SH2D3C: variants seen among roughly 807,000 people sequenced by gnomAD.
SH2D3C encodes the protein SH2 domain-containing protein 3C.
Under a neutral mutation model 75.2 loss-of-function variants are expected in SH2D3C, and 25 were observed. The observed-to-expected ratio is 0.33, with a 90% CI of 0.24 to 0.46. The LOEUF (loss-of-function observed/expected upper bound fraction) is 0.46. Ranked by LOEUF, SH2D3C falls within the 20% of genes least tolerant of loss-of-function variation. The pLI is 1.00. For missense variants in SH2D3C, 933 were observed against 1,165.3 expected (o/e 0.80, Z 2.90); for synonymous variants, 450 against 473.7 (o/e 0.95, Z 0.65).
At chr9:127,762,319 G>A in intron 2 of SH2D3C, 1 of 1,298,270 alleles carries the variant, frequency 7.7e-7, no homozygotes, top group Non-Finnish European at 1.0e-6. Context: ...CCACCGCATG[G>A]CCTTAAATGC....
At position 127,739,770 on chromosome 9, in the gene SH2D3C, C is replaced by G; in HGVS notation, c.2319G>C (p.Val773=). Reference sequence around the variant, plus strand: ...CCTCCAGGTGAGCCAGCACCACCTCCACGCCGTGCTCCGTGCTGCCCCAGG... The same window carrying G: ...CCTCCAGGTGAGCCAGCACCACCTCGACGCCGTGCTCCGTGCTGCCCCAGG... ...PEPWGSTEHG[V]EVVLAHLEAA... is the part of the protein sequence containing the mutation. The change falls in exon 11 of 12, where the codon GTG becomes GTC. Residue 773 remains valine (V), a synonymous_variant. Coordinates refer to ENST00000314830, the MANE Select transcript of SH2D3C (RefSeq NM_170600.3). The surrounding 1 kb of genome is among the most constrained non-coding windows in gnomAD (Gnocchi z 4.3). 6.2e-7 allele frequency: 1 copy of G among 1,606,198 alleles called. No individual in the cohort carries two copies. The highest frequency in any genetic ancestry group is 8.5e-7 in the Non-Finnish European group (1 of 1,177,402).
chr9:127,772,801 G>T (rs558344369), intron 2 of SH2D3C, among the ~76,000 whole-genome samples: 9 of 151,550 alleles, frequency 5.9e-5, no homozygotes, highest in Admixed American at 1.3e-4. Context: ...CTGAGTCTCA[G>T]TTTCCCAATC....
rs769117714 is a variant in SH2D3C, at chr9:127,740,376, A to G, written c.2089-7T>C. The G allele has an allele frequency of 6.2e-7, 1 of 1,612,334 alleles. No individual in the cohort carries two copies. The highest frequency in any genetic ancestry group is 2.2e-5 in the East Asian group (1 of 44,868). Reference sequence around the variant, plus strand: ...TCTGCTCCAGCCGAGAAATCTGGGGAGGCCAAACTGTGAGAGACCAGCCAG... The same window carrying G: ...TCTGCTCCAGCCGAGAAATCTGGGGGGGCCAAACTGTGAGAGACCAGCCAG... On this transcript the variant is annotated splice_region_variant and splice_polypyrimidine_tract_variant and intron_variant, in intron 9 of 11. Transcript: ENST00000314830.
At chr9:127,746,576 G>A (rs1208101581) in intron 6 of SH2D3C, among the ~76,000 whole-genome samples, 4 of 152,236 alleles carry the variant, frequency 2.6e-5, no homozygotes, top group South Asian at 2.1e-4. Context: ...GCTGAGGCGG[G>A]TGGATCACCT....
rs1180032416 is a variant in SH2D3C, at chr9:127,739,299, C to G, written c.2408-378G>C. Among the ~76,000 whole-genome samples the G allele has an allele frequency of 6.6e-6, 1 of 152,010 alleles. No homozygotes were observed. Among genetic ancestry groups the G allele is most frequent in the African/African-American group, 2.4e-5 (1 of 41,388 alleles). ...CCAAGGCGGGTGGATCACCTGAGGT[C>G]AGGAGTTCAAGACCAGCGGCCCAAC... On this transcript the variant is annotated intron_variant, in intron 11 of 11. Coordinates refer to ENST00000314830, the MANE Select transcript of SH2D3C (RefSeq NM_170600.3). The surrounding 1 kb of genome is among the most constrained non-coding windows in gnomAD (Gnocchi z 4.3).
chr9:127,759,780 A>C (rs952129786), intron 3 of SH2D3C, among the ~76,000 whole-genome samples: 4 of 151,956 alleles, frequency 2.6e-5, no homozygotes, highest in Admixed American at 2.0e-4. Context: ...TCAGGAGATC[A>C]AGACCATCCT....
intron 3 of SH2D3C, among the ~76,000 whole-genome samples, chr9:127,753,247 G>A (rs556342825): frequency 1.6e-3 from 250 of 152,248 alleles, no homozygotes; most frequent in African/African-American, 5.4e-3. Context: ...CAGATAAGGC[G>A]TGGGCAGAAG....
chr9:127,771,202 C>A, intron 2 of SH2D3C: 1 of 1,546,358 alleles, frequency 6.5e-7, no homozygotes. Flanking sequence ...GACCCCAGCG[C>A]GGGGCACCTT....
At position 127,768,215 on chromosome 9, in the gene SH2D3C, T is replaced by C. The variant is rs1436608716; in HGVS notation, c.515+5775A>G. Among the ~76,000 whole-genome samples, 5 of 152,032 alleles carry C rather than the reference T, an allele frequency of 3.3e-5. No individual in the cohort carries two copies. In the East Asian group the frequency reaches 9.6e-4, roughly 29 times the overall value. ...GCTACCAGATGCCCAGCAGCTGACG[T>C]CACCCTGCAGGGCCGAGAGGGTCGT... On this transcript the variant is annotated intron_variant, in intron 2 of 11. Transcript: ENST00000314830.
chr9:127,766,864 C>T (rs1242577368), intron 2 of SH2D3C: 1 of 1,444,406 alleles, frequency 6.9e-7, no homozygotes, highest in Admixed American at 2.1e-5. Context: ...GCCCTGTGCC[C>T]AGCTTCTTTC....
In SH2D3C at chr9:127,745,013, G is replaced by A. The variant is rs746117510; in HGVS notation, c.1351C>T (p.Leu451=). The A allele has an allele frequency of 5.3e-6, 8 of 1,516,578 alleles. No homozygotes were observed. In the East Asian group the frequency reaches 1.6e-4, roughly 30 times the overall value. The allele number at this position is 1,516,578 out of a possible 1,614,324, so 93.9% of individuals were successfully genotyped here. ...PVARRSSEPQ[L]CPGSAPKTHG... is the part of the protein sequence containing the mutation. Reference sequence around the variant, plus strand: ...GTCTTTGGGGCACTTCCGGGACACAGCTGGGGCTCACTGGAACGGCGGGCG... The same window carrying A: ...GTCTTTGGGGCACTTCCGGGACACAACTGGGGCTCACTGGAACGGCGGGCG... The change falls in exon 7 of 12, where the codon CTG becomes TTG. Residue 451 remains leucine (L), a synonymous_variant. Coordinates refer to ENST00000314830, the MANE Select transcript of SH2D3C (RefSeq NM_170600.3).
Position 127,751,377 on chromosome 9 carries a change from G to A in SH2D3C, c.556-77C>T. On this transcript the variant is annotated intron_variant, in intron 3 of 11. Transcript: ENST00000314830. This position sits in a 1 kb window ranked among gnomAD's most constrained non-coding sequence, Gnocchi z 4.1. ...TTCCCTCCCAACTTCATTCTACCAT[G>A]GATGAACTCCTCCTATCCTGGGACT... 1 of 1,412,362 alleles carries A rather than the reference G, an allele frequency of 7.1e-7. No homozygotes were observed. The highest frequency in any genetic ancestry group is 9.9e-7 in the Non-Finnish European group (1 of 1,009,000). The allele number at this position is 1,412,362 out of a possible 1,614,324, so 87.5% of individuals were successfully genotyped here.
At position 127,744,638 on chromosome 9, in the gene SH2D3C, G is replaced by A. The variant is rs749292590; in HGVS notation, c.1726C>T (p.Arg576Cys). The change falls in exon 7 of 12, where the codon CGC becomes TGC. Residue 576 changes from arginine (R) to cysteine (C), a missense_variant. By Grantham distance (180) the Arg-to-Cys change is radical (BLOSUM62 -3). Transcript: ENST00000314830. ...DNRPLEVGLL[R>C]KVKELLAEVD... ...TCTGCCAGCAGCTCCTTGACCTTGC[G>A]CAGAAGGCCCACCTCCAGTGGCCGG... The A allele has an allele frequency of 8.7e-6, 14 of 1,614,144 alleles. No individual in the cohort carries two copies. Among genetic ancestry groups the A allele is most frequent in the East Asian group, 2.2e-5 (1 of 44,880 alleles).
chr9:127,743,890 G>A (rs538477758), intron 7 of SH2D3C, among the ~76,000 whole-genome samples: 9 of 151,964 alleles, frequency 5.9e-5, no homozygotes, highest in South Asian at 4.2e-4. Context: ...GCGGGGGGGC[G>A]GTGGGGGCAG....
intron 2 of SH2D3C, among the ~76,000 whole-genome samples, chr9:127,764,057 C>G (rs1352080223): frequency 6.6e-6 from 1 of 152,212 alleles, no homozygotes; most frequent in African/African-American, 2.4e-5. Context: ...CCTCCCACTG[C>G]TGGGAACAGA....
intron 3 of SH2D3C, among the ~76,000 whole-genome samples, chr9:127,753,444 T>C (rs989632250): frequency 2.6e-5 from 4 of 152,260 alleles, no homozygotes; most frequent in African/African-American, 9.6e-5. Flanking sequence ...CCTGCAGGGC[T>C]CTGGGGACAG....
In SH2D3C at chr9:127,749,074, C is replaced by A; in HGVS notation, c.1139+137G>T. ...TGTACATCCACAGAGTATGGCCCAA[C>A]CTTCCTCCCATTCCTCCCTGCACAC... is the stretch of plus-strand genomic sequence containing the variant. On this transcript the variant is annotated intron_variant, in intron 5 of 11. Coordinates refer to ENST00000314830, the MANE Select transcript of SH2D3C (RefSeq NM_170600.3). The surrounding 1 kb of genome is among the most constrained non-coding windows in gnomAD (Gnocchi z 5.9). 4.2e-6 allele frequency: 3 copies of A among 719,934 alleles called. No homozygotes were observed. Among genetic ancestry groups the A allele is most frequent in the Non-Finnish European group, 4.6e-6 (2 of 438,672 alleles). The allele number at this position is 719,934 out of a possible 1,614,324, so 44.6% of individuals were successfully genotyped here. A position where few individuals can be genotyped will look rare whatever the true frequency, so the allele number is the denominator to read the frequency against.
chr9:127,751,956 C>A lies in SH2D3C; in HGVS notation c.556-656G>T, dbSNP rs1435733895. On this transcript the variant is annotated intron_variant, in intron 3 of 11. Transcript: ENST00000314830. The surrounding 1 kb of genome is among the most constrained non-coding windows in gnomAD (Gnocchi z 4.1). ...GGACACGGGGACCCCAAACAGACATCTGCATTGCCCCTTACAATTTCCAAG... is the reference window on the plus strand; with the variant it reads ...GGACACGGGGACCCCAAACAGACATATGCATTGCCCCTTACAATTTCCAAG... Among the ~76,000 whole-genome samples the A allele has an allele frequency of 6.6e-6, 1 of 152,200 alleles. No individual in the cohort carries two copies. Among genetic ancestry groups the A allele is most frequent in the Non-Finnish European group, 1.5e-5 (1 of 68,050 alleles).
At chr9:127,771,147 TC>T (rs1449256319) in intron 2 of SH2D3C, 23 of 1,482,332 alleles carry the variant, frequency 1.6e-5, no homozygotes, top group Middle Eastern at 3.5e-4. Context: ...CCTCTCCTGC[TC>T]CCCGCTGGCC....
Sources: allele counts gnomAD v4.1 joint callset (sites outside exome capture counted in the v4.1 genomes callset), GRCh38; gene constraint gnomAD v4.1.1; non-coding constraint Gnocchi (gnomAD v3.1); transcripts MANE v1.5; gene names NCBI Gene and HGNC (gene_info 2026-07-23, HGNC 2026-07-21).